CD8B: variants seen among roughly 807,000 people sequenced by gnomAD.
CD8B encodes the protein CD8 subunit beta.
Under a neutral mutation model 24.2 loss-of-function variants are expected in CD8B, and 6 were observed. The ratio of observed to expected loss-of-function variants is 0.25; its 90% CI spans 0.14 to 0.49. CD8B has a LOEUF of 0.49. Ranked by LOEUF, CD8B falls within the 20% of genes least tolerant of loss-of-function variation. The probability of loss-of-function intolerance (pLI) is 0.98; values close to 1 mark genes in which losing one functional copy is unlikely to be tolerated. For missense variants in CD8B, 196 were observed against 271.3 expected (o/e 0.72, Z 1.95); for synonymous variants, 84 against 108.3 (o/e 0.78, Z 1.39).
chr2:86,828,614 G>A lies in CD8B; in HGVS notation c.621-12896C>T, dbSNP rs138837334. 4.9e-3 allele frequency among the ~76,000 whole-genome samples: 750 copies of A among 152,208 alleles called. 6 individuals are homozygous for A. The highest frequency in any genetic ancestry group is 0.017 in the African/African-American group (689 of 41,510). On this transcript the variant is annotated intron_variant, in intron 5 of 5. Transcript: ENST00000331469. ...GATATTCACAGCCAATGTGTTAAGT[G>A]TGAAGTTCTGTGCAAGTAGGTTTTA...
At chr2:86,837,014 A>T (rs899667107), downstream of CD8B, among the ~76,000 whole-genome samples, 19 of 152,052 alleles carry the variant, frequency 1.2e-4, no homozygotes, top group African/African-American at 4.6e-4. Flanking sequence ...AAAATTAGCC[A>T]GGTGTGGTAG....
chr2:86,855,896 T>C lies in CD8B; in HGVS notation c.403+2161A>G, dbSNP rs535808252. ...CTCAGGTTGGGGGACTGTTCTGTTT[T>C]AAATTCTTCTTGCCTAGAGCCAGGT... is the stretch of plus-strand genomic sequence containing the variant. On this transcript the variant is annotated intron_variant, in intron 2 of 5. Transcript: ENST00000390655. Among the ~76,000 whole-genome samples the C allele has an allele frequency of 6.6e-5, 10 of 152,342 alleles. No homozygotes were observed. In the South Asian group the frequency reaches 1.2e-3, roughly 19 times the overall value.
At chr2:86,856,569 G>A (rs555459933) in intron 2 of CD8B, among the ~76,000 whole-genome samples, 13 of 152,020 alleles carry the variant, frequency 8.6e-5, no homozygotes, top group South Asian at 6.2e-4. Flanking sequence ...ACTTCCTCAC[G>A]CTGAGTGGTC....
intron 5 of CD8B, among the ~76,000 whole-genome samples, chr2:86,831,101 G>A (rs1356797173): frequency 6.6e-6 from 1 of 152,072 alleles, no homozygotes; most frequent in African/African-American, 2.4e-5. Context: ...ACGGAGTCTT[G>A]CTGTGTTGTC....
chr2:86,815,806 T>C lies in CD8B; in HGVS notation c.621-88A>G, dbSNP rs1674219250. The C allele has an allele frequency of 5.1e-6, 4 of 777,096 alleles. No individual in the cohort carries two copies. In the South Asian group the frequency reaches 6.0e-5, roughly 12 times the overall value. The allele number at this position is 777,096 out of a possible 1,614,324, so 48.1% of individuals were successfully genotyped here. ...TTAAGTAATGACTGATTTTTTTCTG[T>C]GACTCAGTCGAGTCAGATGTTGTGT... On this transcript the variant is annotated intron_variant, in intron 5 of 5. Transcript: ENST00000331469.
intron 5 of CD8B, among the ~76,000 whole-genome samples, chr2:86,828,634 G>A (rs942599212): frequency 1.3e-5 from 2 of 152,040 alleles, no homozygotes; most frequent in African/African-American, 4.8e-5. Context: ...GTGCAAGTAG[G>A]TTTTAAATAG....
In CD8B at chr2:86,841,616, A is replaced by G; in HGVS notation, c.*691T>C. The G allele has an allele frequency of 1.0e-6, 1 of 985,052 alleles. No homozygotes were observed. Among genetic ancestry groups the G allele is most frequent in the Non-Finnish European group, 1.2e-6 (1 of 829,586 alleles). 61.0% of individuals were successfully genotyped at this position (985,052 alleles called of 1,614,324 possible). A position where few individuals can be genotyped will look rare whatever the true frequency, so the allele number is the denominator to read the frequency against. On this transcript the variant is annotated 3_prime_UTR_variant, in exon 6 of 6. Coordinates refer to ENST00000390655, the MANE Select transcript of CD8B (RefSeq NM_004931.5). ...TTTAACCTGGGACTTTATTTGTACA[A>G]CTAAGACATTTGTATAAAACAAACA...
intron 3 of CD8B, among the ~76,000 whole-genome samples, chr2:86,851,910 A>C (rs189312065): frequency 0.019 from 2,863 of 152,338 alleles, 96 homozygotes; most frequent in African/African-American, 0.065. Flanking sequence ...TCATTTGCAA[A>C]CAAACATGTA....
At chr2:86,843,726 G>A (rs1675540230) in intron 5 of CD8B, 1 of 980,274 alleles carries the variant, frequency 1.0e-6, no homozygotes, top group Non-Finnish European at 1.2e-6. Context: ...TGACTCCGGG[G>A]TCCTGGGGCC....
Position 86,821,669 on chromosome 2 carries a change from C to G in CD8B, c.621-5951G>C, listed in dbSNP as rs540306558. 7.8e-4 allele frequency: 309 copies of G among 398,088 alleles called. 4 individuals carry two copies. The highest frequency in any genetic ancestry group is 4.6e-3 in the South Asian group (265 of 57,968). The allele number at this position is 398,088 out of a possible 1,614,324, so 24.7% of individuals were successfully genotyped here. On this transcript the variant is annotated intron_variant, in intron 5 of 5. Coordinates refer to the CD8B transcript ENST00000331469. Reference sequence around the variant, plus strand: ...AGCAGGCAGAGGCATTGTTTTTAACCCAGTGTGGACCCCCAAATGGAACAT... The same window carrying G: ...AGCAGGCAGAGGCATTGTTTTTAACGCAGTGTGGACCCCCAAATGGAACAT...
chr2:86,856,100 G>A lies in CD8B; in HGVS notation c.403+1957C>T, dbSNP rs1310024685. On this transcript the variant is annotated intron_variant, in intron 2 of 5. Transcript: ENST00000390655. ...GGCCTTTCTTGGGTGAGAAGGTGGG[G>A]TTCGGCTCCGAAGAAGGTCTGGTTG... 5.9e-5 allele frequency among the ~76,000 whole-genome samples: 9 copies of A among 152,242 alleles called. 1 individual carries two copies. The highest frequency in any genetic ancestry group is 1.9e-4 in the African/African-American group (8 of 41,468).
At position 86,822,424 on chromosome 2, in the gene CD8B, A is replaced by G. The variant is rs760987777; in HGVS notation, c.621-6706T>C. 12 of 1,111,094 alleles carry G rather than the reference A, an allele frequency of 1.1e-5. No individual in the cohort carries two copies. In the South Asian group the frequency reaches 1.6e-4, roughly 15 times the overall value. 68.8% of individuals were successfully genotyped at this position (1,111,094 alleles called of 1,614,324 possible). On this transcript the variant is annotated intron_variant, in intron 5 of 5. Transcript: ENST00000331469. ...AGATGTTAAATGTTAAAAGCAATGG[A>G]AATGTTCAGAAATAAAGCAATATTT...
chr2:86,833,144 TG>T, intron 5 of CD8B: 1 of 262,028 alleles, frequency 3.8e-6, no homozygotes, highest in Non-Finnish European at 7.8e-6. Flanking sequence ...CCCTGCATCC[TG>T]CTTTTCCTCC....
intron 1 of CD8B, among the ~76,000 whole-genome samples, chr2:86,861,417 A>G (rs1364879479): frequency 6.6e-6 from 1 of 151,962 alleles, no homozygotes; most frequent in Non-Finnish European, 1.5e-5. Context: ...CGGAAGTAAT[A>G]AAAATGTGTC....
intron 5 of CD8B, among the ~76,000 whole-genome samples, chr2:86,828,530 G>C (rs1316522924): frequency 2.0e-5 from 3 of 152,128 alleles, no homozygotes; most frequent in Non-Finnish European, 4.4e-5. Context: ...GGGGCCCTTT[G>C]AGTGGCTCTG....
intron 2 of CD8B, among the ~76,000 whole-genome samples, chr2:86,856,700 A>G (rs1676282179): frequency 6.6e-6 from 1 of 151,824 alleles, no homozygotes; most frequent in Non-Finnish European, 1.5e-5. Context: ...CTAGAGCCAG[A>G]GCCAGGCTGT....
intron 3 of CD8B, among the ~76,000 whole-genome samples, chr2:86,849,843 A>G (rs900692099): frequency 3.3e-5 from 5 of 151,306 alleles, no homozygotes; most frequent in African/African-American, 1.2e-4. Context: ...CGTTGGGATT[A>G]CAGGTGCCCA....
At chr2:86,823,979 C>A (rs1473180954) in intron 5 of CD8B, among the ~76,000 whole-genome samples, 2 of 151,586 alleles carry the variant, frequency 1.3e-5, no homozygotes, top group African/African-American at 4.8e-5. Context: ...GACGGAAGGG[C>A]CTTTGTACAG....
At chr2:86,829,069 G>A (rs772812131) in intron 5 of CD8B, among the ~76,000 whole-genome samples, 12 of 123,906 alleles carry the variant, frequency 9.7e-5, no homozygotes, top group Non-Finnish European at 1.9e-4. Flanking sequence ...CACATTTGGA[G>A]TTACCATTTT....
Sources: allele counts gnomAD v4.1 joint callset (sites outside exome capture counted in the v4.1 genomes callset), GRCh38; gene constraint gnomAD v4.1.1; transcripts MANE v1.5; gene names NCBI Gene and HGNC (gene_info 2026-07-23, HGNC 2026-07-21).